Variants in TMX2 observed in about 807,000 individuals in gnomAD.
The protein encoded by TMX2 is thioredoxin related transmembrane protein 2.
Under a neutral mutation model 33.4 loss-of-function variants are expected in TMX2, and 20 were observed. The observed-to-expected ratio is 0.60, with a 90% CI of 0.42 to 0.87. The LOEUF is 0.87. Ranked by LOEUF, TMX2 falls within the 40% of genes least tolerant of loss-of-function variation. The pLI, the probability that TMX2 is intolerant of heterozygous loss-of-function variation, is 0.00. For synonymous variants in TMX2, 166 were observed against 140.7 expected, an observed-to-expected ratio of 1.18 and a Z score of -1.27; for missense variants, 340 against 370.7, an observed-to-expected ratio of 0.92 and a Z score of 0.68.
chr11:57,717,379 T>C (rs1338903046), intron 1 of TMX2, among the ~76,000 whole-genome samples: 1 of 151,862 alleles, frequency 6.6e-6, no homozygotes, highest in Non-Finnish European at 1.5e-5. Context: ...TGTAGCGAGC[T>C]GAGATCACGC....
chr11:57,720,007 G>T (rs1263676822), intron 1 of TMX2, among the ~76,000 whole-genome samples: 1 of 152,030 alleles, frequency 6.6e-6, no homozygotes, highest in African/African-American at 2.4e-5. Context: ...AGGTGCCACT[G>T]GTTGGGCGCG....
chr11:57,716,321 G>A (rs1947023267), intron 1 of TMX2, among the ~76,000 whole-genome samples: 1 of 128,890 alleles, frequency 7.8e-6, no homozygotes, highest in Non-Finnish European at 1.7e-5. Flanking sequence ...CCTCCCGGAC[G>A]GGGCGGCTGG....
chr11:57,738,321 A>G, intron 3 of TMX2, 33 bp from the exon 4 acceptor site: 1 of 1,509,786 alleles, frequency 6.6e-7, no homozygotes, highest in Non-Finnish European at 9.2e-7. Context: ...AAGGCTTTTT[A>G]TGTTTCCTTC....
At chr11:57,719,085 G>A (rs1947389293) in intron 1 of TMX2, among the ~76,000 whole-genome samples, 2 of 141,104 alleles carry the variant, frequency 1.4e-5, no homozygotes, top group Admixed American at 7.2e-5. Context: ...ACCCAGGCTG[G>A]AGTGCAGTGG....
At chr11:57,724,986 C>T (rs1418671283) in intron 1 of TMX2, among the ~76,000 whole-genome samples, 1 of 150,584 alleles carries the variant, frequency 6.6e-6, no homozygotes, top group Non-Finnish European at 1.5e-5. Flanking sequence ...TTGCAGTGAG[C>T]CAAGATCGTG....
In TMX2 at chr11:57,712,603, C is replaced by T. The variant is rs756997317; in HGVS notation, c.-16C>T. On this transcript the variant is annotated 5_prime_UTR_variant, in exon 1 of 8. Coordinates refer to ENST00000278422, the MANE Select transcript of TMX2 (RefSeq NM_015959.4). ...ACCTACGACGCCGGCGAGCAGTGGC[C>T]GTTACGGCCGAAAAGATGGCGGTCT... The T allele has an allele frequency of 3.1e-6, 5 of 1,597,632 alleles. No individual in the cohort carries two copies. The highest frequency in any genetic ancestry group is 4.5e-5 in the East Asian group (2 of 44,614).
chr11:57,740,825 A>G lies in TMX2; in HGVS notation c.*580A>G, dbSNP rs1949039636. 6.6e-6 allele frequency: 1 copy of G among 152,330 alleles called. No individual in the cohort carries two copies. The allele number at this position is 152,330 out of a possible 1,614,324, so 9.4% of individuals were successfully genotyped here. Reference sequence around the variant, plus strand: ...TTGAACAACCCCCTATTTTGTGGGGATTGAGAAGGGGTGAATAGAGGCTTG... The same window carrying G: ...TTGAACAACCCCCTATTTTGTGGGGGTTGAGAAGGGGTGAATAGAGGCTTG... On this transcript the variant is annotated 3_prime_UTR_variant, in exon 8 of 8. Transcript: ENST00000278422.
chr11:57,715,735 C>T (rs1055254881), intron 1 of TMX2, among the ~76,000 whole-genome samples: 3 of 151,680 alleles, frequency 2.0e-5, no homozygotes, highest in Non-Finnish European at 4.4e-5. Flanking sequence ...TGCCGCCTTC[C>T]GCAGTGTTTG....
At chr11:57,725,273 A>G (rs567033880) in intron 1 of TMX2, among the ~76,000 whole-genome samples, 5 of 152,104 alleles carry the variant, frequency 3.3e-5, no homozygotes, top group Non-Finnish European at 7.3e-5. Context: ...CTTCCAAGGA[A>G]ACCGAAATCA....
chr11:57,713,717 T>A lies in TMX2; in HGVS notation c.189+910T>A, dbSNP rs60589666. On this transcript the variant is annotated intron_variant, in intron 1 of 7. Coordinates refer to ENST00000278422, the MANE Select transcript of TMX2 (RefSeq NM_015959.4). ...GGAGAATGACCCAGTGGGGTACAGA[T>A]GCTTATATACCCTCTTTCATAGGAA... Among the ~76,000 whole-genome samples, 568 of 152,328 alleles carry A rather than the reference T, an allele frequency of 3.7e-3. 6 individuals are homozygous for A. The highest frequency in any genetic ancestry group is 0.013 in the African/African-American group (551 of 41,584).
intron 1 of TMX2, among the ~76,000 whole-genome samples, chr11:57,736,876 A>G (rs1470835621): frequency 6.7e-6 from 1 of 149,808 alleles, no homozygotes; most frequent in East Asian, 2.0e-4. Context: ...ATGGAGCAAG[A>G]CTGTCTCAAA....
At chr11:57,715,586 C>CTTTTT (rs367827761) in intron 1 of TMX2, among the ~76,000 whole-genome samples, 2 of 130,120 alleles carry the variant, frequency 1.5e-5, no homozygotes, top group African/African-American at 2.9e-5. Context: ...AATTTGTTTT[C>CTTTTT]TTTTTTTTTT....
intron 1 of TMX2, among the ~76,000 whole-genome samples, chr11:57,729,616 A>G (rs771183436): frequency 9.2e-5 from 14 of 152,194 alleles, no homozygotes; most frequent in Admixed American, 2.0e-4. Context: ...AGTTGCCTTT[A>G]ATATGCAAAT....
chr11:57,740,391 T>C lies in TMX2; in HGVS notation c.*146T>C. The C allele has an allele frequency of 9.6e-7, 1 of 1,040,150 alleles. No homozygotes were observed. The highest frequency in any genetic ancestry group is 1.7e-5 in the African/African-American group (1 of 60,560). The allele number at this position is 1,040,150 out of a possible 1,614,324, so 64.4% of individuals were successfully genotyped here. On this transcript the variant is annotated 3_prime_UTR_variant, in exon 8 of 8. Coordinates refer to ENST00000278422, the MANE Select transcript of TMX2 (RefSeq NM_015959.4). ...TGCAGCTTCTGATTTTAAAGAGGCA[T>C]CTAGGGAATTGTCAGGCACCCTACA...
chr11:57,719,691 A>G (rs973288233), intron 1 of TMX2, among the ~76,000 whole-genome samples: 1 of 150,910 alleles, frequency 6.6e-6, no homozygotes, highest in African/African-American at 2.4e-5. Flanking sequence ...TAATTTTTGT[A>G]TTTTTTGTAG....
chr11:57,736,568 G>C (rs1948763752), intron 1 of TMX2, among the ~76,000 whole-genome samples: 6 of 151,814 alleles, frequency 4.0e-5, no homozygotes, highest in Admixed American at 2.0e-4. Flanking sequence ...GGATTATCAC[G>C]ATGCATATTG....
At chr11:57,737,570 C>T in intron 1 of TMX2, 38 bp from the exon 2 acceptor site, 7 of 1,572,030 alleles carry the variant, frequency 4.5e-6, no homozygotes, top group Non-Finnish European at 6.1e-6. Context: ...TAGCTCTAGT[C>T]ACTGCATTCC....
Position 57,738,724 on chromosome 11 carries a change from A to C in TMX2, c.502A>C (p.Asn168His). The part of the protein sequence containing the change: ...WIVEFFANWS[N>H]DCQSFAPIYA... The stretch of plus-strand genomic sequence containing the variant: ...TGTGGAGTTCTTTGCCAATTGGTCT[A>C]ATGACTGCCAATCATTTGCCCCTAT... The change falls in exon 5 of 8, where the codon AAT becomes CAT. Residue 168 changes from asparagine (N) to histidine (H), a missense_variant. Physicochemically the swap from Asn to His is moderately conservative, Grantham distance 68 (BLOSUM62 1). Coordinates refer to ENST00000278422, the MANE Select transcript of TMX2 (RefSeq NM_015959.4). 6.2e-7 allele frequency: 1 copy of C among 1,614,122 alleles called. No homozygotes were observed. Among genetic ancestry groups the C allele is most frequent in the Non-Finnish European group, 8.5e-7 (1 of 1,180,022 alleles).
At chr11:57,734,605 G>A (rs562793575) in intron 1 of TMX2, among the ~76,000 whole-genome samples, 4 of 151,774 alleles carry the variant, frequency 2.6e-5, no homozygotes, top group South Asian at 2.1e-4. Flanking sequence ...AAAGTTCACC[G>A]GGCGTGGGGG....
Sources: allele counts gnomAD v4.1 joint callset (sites outside exome capture counted in the v4.1 genomes callset), GRCh38; gene constraint gnomAD v4.1.1; transcripts MANE v1.5; gene names NCBI Gene and HGNC (gene_info 2026-07-23, HGNC 2026-07-21).